Variants in ZNF268 observed in about 807,000 individuals in gnomAD.
ZNF268 encodes the protein zinc finger protein 268, also known as zinc finger protein 3.
ZNF268 carries 20 observed loss-of-function variants against 29.3 expected under a neutral mutation model. The observed-to-expected ratio is 0.68, with a 90% CI of 0.48 to 0.99. The LOEUF is 0.99. Among genes scored for constraint, ZNF268 ranks in the 50% least tolerant of loss-of-function variants. The probability of loss-of-function intolerance (pLI) is 0.00; values close to 1 mark genes in which losing one functional copy is unlikely to be tolerated. For missense variants in ZNF268, 1,240 were observed against 1,121.6 expected, an observed-to-expected ratio of 1.11 and a Z score of -1.51; for synonymous variants, 429 against 376.9, an observed-to-expected ratio of 1.14 and a Z score of -1.60.
At chr12:133,182,092 CCATCT>C in intron 2 of ZNF268, 62 bp downstream of exon 2, 1 of 1,498,920 alleles carries the variant, frequency 6.7e-7, no homozygotes, top group African/African-American at 1.4e-5. Flanking sequence ...TGTGCGCACT[CCATCT>C]ACTCCAGTCT....
At position 133,187,964 on chromosome 12, in the gene ZNF268, G is replaced by C; in HGVS notation, c.126G>C (p.Leu42=). Residue 42 remains leucine (L), a synonymous_variant, in exon 3 of 6, where the codon CTG becomes CTC. Transcript: ENST00000536435. ...ESILGQGTPG[L]QPLPGTPRQK... ...TCTTGGGCCAAGGGACTCCTGGTCT[G>C]CAACCTCTCCCTGGAACACCCAGGC... is the stretch of plus-strand genomic sequence containing the variant. 7 of 1,599,424 alleles carry C rather than the reference G, an allele frequency of 4.4e-6. No homozygotes were observed. The highest frequency in any genetic ancestry group is 6.0e-6 in the Non-Finnish European group (7 of 1,172,726).
rs1039178213 is a variant in ZNF268, at chr12:133,207,021, A to G, written c.*2491A>G. ...CCTGGTAGAAGCCAGAAGTGTTGAC[A>G]GTATTGAGGACAGCACTCACATACT... On this transcript the variant is annotated 3_prime_UTR_variant, in exon 6 of 6. Transcript: ENST00000536435. 1 of 152,230 alleles carries G rather than the reference A, an allele frequency of 6.6e-6. No homozygotes were observed. Among genetic ancestry groups the G allele is most frequent in the African/African-American group, 2.4e-5 (1 of 41,466 alleles). 9.4% of individuals were successfully genotyped at this position (152,230 alleles called of 1,614,324 possible).
At chr12:133,188,274 G>T in intron 3 of ZNF268, 1 of 544,288 alleles carries the variant, frequency 1.8e-6, no homozygotes, top group Admixed American at 3.5e-5. Context: ...ATAACTCACT[G>T]CAGCCTCAAA....
At chr12:133,199,842 T>C (rs1956707266) in intron 5 of ZNF268, among the ~76,000 whole-genome samples, 1 of 152,260 alleles carries the variant, frequency 6.6e-6, no homozygotes, top group African/African-American at 2.4e-5. Flanking sequence ...TGTAGCATTC[T>C]CTGATGGTAG....
rs780745901 is a variant in ZNF268 at position 133,202,245 on chromosome 12, CTA to C, written c.561_562del (p.Cys188SerfsTer3). The C allele has an allele frequency of 2.5e-6, 4 of 1,612,100 alleles. No individual in the cohort carries two copies. The highest frequency in any genetic ancestry group is 2.7e-5 in the African/African-American group (2 of 74,812). The part of the protein sequence containing the change: ...KSFECTTFGK[L>X]CLLSTKYLSR... Reference sequence around the variant, plus strand: ...CTTTGAATGCACTACATTTGGAAAACTATGTCTTCTTAGTACAAAGTATCTTT... The same window carrying C: ...CTTTGAATGCACTACATTTGGAAAACTGTCTTCTTAGTACAAAGTATCTTT... On this transcript the variant is annotated frameshift_variant, in exon 6 of 6. Transcript: ENST00000536435. LOFTEE classifies it low-confidence loss of function (END_TRUNC).
intron 2 of ZNF268, among the ~76,000 whole-genome samples, chr12:133,183,361 G>A (rs1431695334): frequency 1.3e-5 from 2 of 152,022 alleles, no homozygotes; most frequent in African/African-American, 2.4e-5. Flanking sequence ...GTGGCTGGGT[G>A]CAGTGGCTCC....
Position 133,188,092 on chromosome 12 carries a change from A to G in ZNF268, c.234+20A>G. 6.5e-7 allele frequency: 1 copy of G among 1,538,156 alleles called. No homozygotes were observed. The highest frequency in any genetic ancestry group is 8.8e-7 in the Non-Finnish European group (1 of 1,142,128). On this transcript the variant is annotated intron_variant, in intron 3 of 5. Coordinates refer to ENST00000536435, the MANE Select transcript of ZNF268 (RefSeq NM_003415.3). ...TCCTGGGTGAGCTTCTCATTTGTTT[A>G]TTCCTAGTGTTTTCTTTATTACCTT...
Position 133,211,829 on chromosome 12 carries a change from A to G in ZNF268, c.*7299A>G, listed in dbSNP as rs1025867651. 6.6e-6 allele frequency: 1 copy of G among 152,224 alleles called. No individual in the cohort carries two copies. Among genetic ancestry groups the G allele is most frequent in the Non-Finnish European group, 1.5e-5 (1 of 68,044 alleles). 9.4% of individuals were successfully genotyped at this position (152,224 alleles called of 1,614,324 possible). A position where few individuals can be genotyped will look rare whatever the true frequency, so the allele number is the denominator to read the frequency against. ...TTTGACTTTTCCCCAAAGCTAAACA[A>G]AGCTTCACAATATGAGCCAACAATC... On this transcript the variant is annotated 3_prime_UTR_variant, in exon 6 of 6. Transcript: ENST00000536435.
At chr12:133,191,412 A>G (rs1956470795) in intron 3 of ZNF268, 77 bp from the exon 4 acceptor site, 8 of 1,559,710 alleles carry the variant, frequency 5.1e-6, no homozygotes, top group Admixed American at 1.7e-5. Context: ...AAACATAAAT[A>G]ATGGACACCC....
At position 133,204,677 on chromosome 12, in the gene ZNF268, C is replaced by A; in HGVS notation, c.*147C>A. On this transcript the variant is annotated 3_prime_UTR_variant, in exon 6 of 6. Coordinates refer to ENST00000536435, the MANE Select transcript of ZNF268 (RefSeq NM_003415.3). ...TATGAATGCACAGCATATGGAAAGGCATCCACAGAAAGCTGTTCTTTACAT... is the reference window on the plus strand; with the variant it reads ...TATGAATGCACAGCATATGGAAAGGAATCCACAGAAAGCTGTTCTTTACAT... The A allele has an allele frequency of 1.7e-6, 1 of 595,026 alleles. No individual in the cohort carries two copies. Among genetic ancestry groups the A allele is most frequent in the Non-Finnish European group, 2.8e-6 (1 of 360,868 alleles). The allele number at this position is 595,026 out of a possible 1,614,324, so 36.9% of individuals were successfully genotyped here.
Position 133,181,940 on chromosome 12 carries a change from T to C in ZNF268, c.-52-6T>C. The C allele has an allele frequency of 5.2e-6, 8 of 1,546,016 alleles. No individual in the cohort carries two copies. Among genetic ancestry groups the C allele is most frequent in the Admixed American group, 2.0e-5 (1 of 51,014 alleles). On this transcript the variant is annotated splice_region_variant and splice_polypyrimidine_tract_variant and intron_variant, in intron 1 of 5. Coordinates refer to ENST00000536435, the MANE Select transcript of ZNF268 (RefSeq NM_003415.3). ...ACCTCTTTCTTCACTGTGCTCTCTC[T>C]TCTAGCATCCCTCGCGTCCTGTCAC...
In ZNF268 at chr12:133,205,998, T is replaced by C. The variant is rs1284656104; in HGVS notation, c.*1468T>C. 6.6e-6 allele frequency: 1 copy of C among 152,234 alleles called. No individual in the cohort carries two copies. Among genetic ancestry groups the C allele is most frequent in the Non-Finnish European group, 1.5e-5 (1 of 68,042 alleles). 9.4% of individuals were successfully genotyped at this position (152,234 alleles called of 1,614,324 possible). On this transcript the variant is annotated 3_prime_UTR_variant, in exon 6 of 6. Transcript: ENST00000536435. ...CAATAGAGGTTCCCAGAACAGCTTT[T>C]GTTACTGTCATTTTCTTAACTTTGT...
chr12:133,188,594 C>T (rs117169458), intron 3 of ZNF268, among the ~76,000 whole-genome samples: 3,066 of 152,212 alleles, frequency 0.02, 59 homozygotes, highest in Non-Finnish European at 0.03. Flanking sequence ...TCTCCTTTCC[C>T]ATCCCCAAAA....
At chr12:133,183,849 G>A (rs1030794008) in intron 2 of ZNF268, among the ~76,000 whole-genome samples, 10 of 152,228 alleles carry the variant, frequency 6.6e-5, no homozygotes, top group Middle Eastern at 3.4e-3. Context: ...GACTGAGATG[G>A]AACCCAAGAA....
chr12:133,199,995 T>A (rs1255130613), intron 5 of ZNF268, among the ~76,000 whole-genome samples: 2 of 152,106 alleles, frequency 1.3e-5, no homozygotes, highest in Non-Finnish European at 2.9e-5. Context: ...GATTCATTAA[T>A]TTTTTTGAAG....
At chr12:133,186,565 A>T (rs111416426) in intron 2 of ZNF268, among the ~76,000 whole-genome samples, 27,545 of 151,142 alleles carry the variant, frequency 0.18, 3,210 homozygotes, top group Non-Finnish European at 0.26. Context: ...TTTAGTAGAG[A>T]CGGGGTTTTA....
chr12:133,185,183 C>CAAAA (rs534300830), intron 2 of ZNF268, among the ~76,000 whole-genome samples: 1 of 87,970 alleles, frequency 1.1e-5, no homozygotes. Context: ...GACTCTGTCT[C>CAAAA]AAAAAAAAAA....
chr12:133,190,584 C>T (rs1363313506), intron 3 of ZNF268, among the ~76,000 whole-genome samples: 1 of 152,176 alleles, frequency 6.6e-6, no homozygotes, highest in African/African-American at 2.4e-5. Context: ...CATTTACCAT[C>T]TGTATATTTT....
rs144781314 is a variant in ZNF268 at position 133,207,228 on chromosome 12, C to A, written c.*2698C>A. ...TAAGGAAAATCCAAGGAAAAATAAC[C>A]CCAATATTTTACAACTTCCCCATCA... On this transcript the variant is annotated 3_prime_UTR_variant, in exon 6 of 6. Coordinates refer to ENST00000536435, the MANE Select transcript of ZNF268 (RefSeq NM_003415.3). 6.6e-6 allele frequency: 1 copy of A among 151,850 alleles called. No individual in the cohort carries two copies. The highest frequency in any genetic ancestry group is 1.9e-4 in the East Asian group (1 of 5,192). The allele number at this position is 151,850 out of a possible 1,614,324, so 9.4% of individuals were successfully genotyped here. A position where few individuals can be genotyped will look rare whatever the true frequency, so the allele number is the denominator to read the frequency against.
Sources: allele counts gnomAD v4.1 joint callset (sites outside exome capture counted in the v4.1 genomes callset), GRCh38; gene constraint gnomAD v4.1.1; transcripts MANE v1.5; gene names NCBI Gene and HGNC (gene_info 2026-07-23, HGNC 2026-07-21).